Variants in KDM5A observed in about 807,000 individuals in gnomAD.
KDM5A encodes the protein lysine demethylase 5A, also known as lysine-specific demethylase 5A.
In KDM5A, 42 loss-of-function variants were observed where a neutral mutation model predicts 193.5. That is an observed-to-expected ratio of 0.22 (90% CI 0.17 to 0.28). KDM5A has a LOEUF of 0.28. KDM5A is among the 10% of genes least tolerant of loss of function. The pLI, the probability that KDM5A is intolerant of heterozygous loss-of-function variation, is 1.00. For missense variants in KDM5A, 1,692 were observed against 2,055.1 expected, an observed-to-expected ratio of 0.82 and a Z score of 3.42; for synonymous variants, 796 against 718.1, an observed-to-expected ratio of 1.11 and a Z score of -1.73.
intron 25 of KDM5A, among the ~76,000 whole-genome samples, chr12:296,380 A>C (rs1189828591): frequency 6.6e-6 from 1 of 151,818 alleles, no homozygotes; most frequent in Admixed American, 6.6e-5. Flanking sequence ...CTGAGTCTTT[A>C]TCGTGTGGCA....
intron 24 of KDM5A, 39 bp downstream of exon 24, chr12:306,906 TG>T: frequency 1.3e-6 from 2 of 1,585,640 alleles, no homozygotes; most frequent in East Asian, 4.5e-5. Flanking sequence ...ACAAACCCAA[TG>T]ATCAGGTATG....
rs959655718 is a variant in KDM5A at position 327,028 on chromosome 12, C to A, written c.1968+1807G>T. On this transcript the variant is annotated intron_variant, in intron 14 of 27. Coordinates refer to ENST00000399788, the MANE Select transcript of KDM5A (RefSeq NM_001042603.3). The stretch of plus-strand genomic sequence containing the variant: ...GAGACTGCTGACCACGGGAAAACCA[C>A]TGAAGATTCTTAGTAAAGGTAAAAT... Among the ~76,000 whole-genome samples, 3 of 152,160 alleles carry A rather than the reference C, an allele frequency of 2.0e-5. No individual in the cohort carries two copies. In the East Asian group the frequency reaches 5.8e-4, roughly 29 times the overall value.
rs1397767706 is a variant in KDM5A, at chr12:280,209, A to G, written c.*5247T>C. 8.6e-6 allele frequency: 2 copies of G among 232,650 alleles called. No individual in the cohort carries two copies. Among genetic ancestry groups the G allele is most frequent in the Non-Finnish European group, 1.7e-5 (2 of 117,738 alleles). The allele number at this position is 232,650 out of a possible 1,614,324, so 14.4% of individuals were successfully genotyped here. On this transcript the variant is annotated 3_prime_UTR_variant, in exon 28 of 28. Coordinates refer to ENST00000399788, the MANE Select transcript of KDM5A (RefSeq NM_001042603.3). ...ATTCCATTCTTTTGTACTGTTCCCTACTTTTACAATGTGTACAATGTTTCA... is the reference window on the plus strand; with the variant it reads ...ATTCCATTCTTTTGTACTGTTCCCTGCTTTTACAATGTGTACAATGTTTCA...
chr12:341,225 G>T (rs760399936), intron 10 of KDM5A, among the ~76,000 whole-genome samples: 11 of 152,140 alleles, frequency 7.2e-5, no homozygotes, highest in Non-Finnish European at 1.5e-4. Context: ...ATTTGCCAAT[G>T]GAAGGGTGTG....
At chr12:353,883 T>C (rs1262817252) in intron 8 of KDM5A, among the ~76,000 whole-genome samples, 193 bp downstream of exon 8, 8 of 149,110 alleles carry the variant, frequency 5.4e-5, no homozygotes, top group African/African-American at 2.5e-5. Context: ...GATCACACCA[T>C]TGCATTCCAG....
chr12:354,595 G>GT (rs772212063), intron 7 of KDM5A, among the ~76,000 whole-genome samples: 1 of 151,936 alleles, frequency 6.6e-6, no homozygotes, highest in South Asian at 2.1e-4. Context: ...GTGAAACCCC[G>GT]TCTCTACTAA....
At chr12:294,527 T>C (rs1246861584) in intron 26 of KDM5A, among the ~76,000 whole-genome samples, 1 of 152,112 alleles carries the variant, frequency 6.6e-6, no homozygotes, top group African/African-American at 2.4e-5. Flanking sequence ...AGAAAAAGGA[T>C]TGGGTAAGAT....
intron 11 of KDM5A, among the ~76,000 whole-genome samples, chr12:333,930 G>C (rs1037144249): frequency 6.6e-6 from 1 of 152,140 alleles, no homozygotes; most frequent in Non-Finnish European, 1.5e-5. Flanking sequence ...CTTCAAACGG[G>C]AAAGACACTA....
intron 24 of KDM5A, among the ~76,000 whole-genome samples, chr12:300,435 TG>T (rs1444467628): frequency 1.3e-5 from 2 of 152,170 alleles, no homozygotes; most frequent in African/African-American, 2.4e-5. Flanking sequence ...GAATGACTAC[TG>T]GGTACATAAA....
intron 24 of KDM5A, among the ~76,000 whole-genome samples, chr12:304,446 CTTTTTTTTTTTTT>C (rs67930424): frequency 8.9e-6 from 1 of 112,584 alleles, no homozygotes; most frequent in Non-Finnish European, 1.8e-5. Flanking sequence ...AGAGTATAGG[CTTTTTTTTTTTTT>C]TTTTTTTCAT....
At chr12:387,581 A>G (rs1371393188) in intron 1 of KDM5A, among the ~76,000 whole-genome samples, 1 of 152,216 alleles carries the variant, frequency 6.6e-6, no homozygotes, top group Non-Finnish European at 1.5e-5. Flanking sequence ...AGTAGTCTAT[A>G]ACCTTAAACA....
At position 356,439 on chromosome 12, in the gene KDM5A, A is replaced by G. The variant is rs1305097235; in HGVS notation, c.771T>C (p.Asp257=). Residue 257 remains aspartate (D), a synonymous_variant, in exon 6 of 28, where the codon GAT becomes GAC. Transcript: ENST00000399788. ...KVVGLAMGTK[D]KEDEVTRRRK... ...TCAAACAACAAATTTTACCTTCTTT[A>G]TCTTTTGTTCCCATTGCCAAGCCCA... is the stretch of plus-strand genomic sequence containing the variant. 4 of 1,598,308 alleles carry G rather than the reference A, an allele frequency of 2.5e-6. No individual in the cohort carries two copies. The South Asian group carries it at 4.4e-5, about 18-fold the overall frequency.
chr12:349,375 G>C (rs2137446750), intron 10 of KDM5A, among the ~76,000 whole-genome samples: 1 of 143,256 alleles, frequency 7.0e-6, no homozygotes, highest in East Asian at 2.1e-4. Context: ...CTGTCACCCA[G>C]GCTGGAGTGC....
At chr12:305,638 A>C (rs1943494417) in intron 24 of KDM5A, among the ~76,000 whole-genome samples, 2 of 152,224 alleles carry the variant, frequency 1.3e-5, no homozygotes, top group Non-Finnish European at 2.9e-5. Context: ...AAAACAAGTC[A>C]ATGGATTGAC....
At chr12:377,068 C>T (rs1203457156) in intron 3 of KDM5A, among the ~76,000 whole-genome samples, 1 of 151,710 alleles carries the variant, frequency 6.6e-6, no homozygotes, top group Non-Finnish European at 1.5e-5. Context: ...AGCAGCAGTA[C>T]CTCTAAAATT....
intron 27 of KDM5A, among the ~76,000 whole-genome samples, chr12:291,820 T>C (rs1943298204): frequency 6.6e-6 from 1 of 152,192 alleles, no homozygotes; most frequent in Non-Finnish European, 1.5e-5. Context: ...CAGAAGTTCA[T>C]ACTGTCAACA....
At chr12:299,880 C>G (rs1406623277) in intron 24 of KDM5A, among the ~76,000 whole-genome samples, 2 of 150,676 alleles carry the variant, frequency 1.3e-5, no homozygotes, top group East Asian at 3.9e-4. Context: ...AAAAAAAAAG[C>G]AGGAGTTGCA....
intron 10 of KDM5A, among the ~76,000 whole-genome samples, chr12:338,227 G>A (rs1009801273): frequency 6.6e-6 from 1 of 152,160 alleles, no homozygotes; most frequent in Non-Finnish European, 1.5e-5. Context: ...TGATAAGAGT[G>A]GCTCACAATG....
At chr12:315,761 G>GA (rs1943644118) in intron 19 of KDM5A, among the ~76,000 whole-genome samples, 1 of 152,120 alleles carries the variant, frequency 6.6e-6, no homozygotes, top group African/African-American at 2.4e-5. Context: ...TCAAATGAGT[G>GA]AAAGATGGTA....
Sources: allele counts gnomAD v4.1 joint callset (sites outside exome capture counted in the v4.1 genomes callset), GRCh38; gene constraint gnomAD v4.1.1; transcripts MANE v1.5; gene names NCBI Gene and HGNC (gene_info 2026-07-23, HGNC 2026-07-21).